SLC24A2: variants seen among roughly 807,000 people sequenced by gnomAD.
SLC24A2 encodes solute carrier family 24 member 2.
Under a neutral mutation model 62.0 loss-of-function variants are expected in SLC24A2, and 36 were observed. The observed-to-expected ratio is 0.58, with a 90% CI of 0.44 to 0.77. The LOEUF is 0.77. SLC24A2 is among the 30% of genes least tolerant of loss of function. The pLI, the probability that SLC24A2 is intolerant of heterozygous loss-of-function variation, is 0.00. For synonymous variants in SLC24A2, 358 were observed against 294.0 expected, an observed-to-expected ratio of 1.22 and a Z score of -2.23; for missense variants, 846 against 817.9, an observed-to-expected ratio of 1.03 and a Z score of -0.42.
At chr9:19,679,838 C>CTGTGTGTGTGTGTGTGTG (rs58253967) in intron 2 of SLC24A2, among the ~76,000 whole-genome samples, 3 of 142,386 alleles carry the variant, frequency 2.1e-5, no homozygotes, top group African/African-American at 8.0e-5. Context: ...CTCACATATA[C>CTGTGTGTGTGTGTGTGTG]TGTGTGTGTG....
chr9:19,908,071 C>T, the SLC24A2 span, among the ~76,000 whole-genome samples: 5 of 152,200 alleles, frequency 3.3e-5, no homozygotes, highest in Admixed American at 1.3e-4. Context: ...ATCACGTTAC[C>T]TGACTTCAAA....
At chr9:20,291,108 G>C in the SLC24A2 span, among the ~76,000 whole-genome samples, 2 of 152,268 alleles carry the variant, frequency 1.3e-5, no homozygotes, top group South Asian at 4.1e-4. Flanking sequence ...AGAGCTCCAA[G>C]GAGCATACGG....
chr9:19,672,661 TAGGCATTTA>T (rs1819453091), intron 2 of SLC24A2, among the ~76,000 whole-genome samples: 1 of 146,508 alleles, frequency 6.8e-6, no homozygotes, highest in East Asian at 1.9e-4. Context: ...CTTTTTGATG[TAGGCATTTA>T]AGGCTGTGAA....
At chr9:20,096,502 A>G in the SLC24A2 span, among the ~76,000 whole-genome samples, 1 of 152,020 alleles carries the variant, frequency 6.6e-6, no homozygotes, top group Admixed American at 6.6e-5. Flanking sequence ...CTGTTATACT[A>G]ATCTTTCTAT....
the SLC24A2 span, among the ~76,000 whole-genome samples, chr9:20,305,484 C>G: frequency 6.6e-6 from 1 of 152,250 alleles, no homozygotes; most frequent in African/African-American, 2.4e-5. Context: ...TAGCAATTAA[C>G]ATCTTTAAAA....
Position 19,516,359 on chromosome 9 carries a change from G to A in SLC24A2, c.1780C>T (p.Gln594Ter). The part of the protein sequence containing the change: ...WLLYTVIHRF[Q>*]PVAVSSNGLF... ...CCATTGCTGCTGACAGCCACTGGCT[G>A]GAATCTGTGAATGACGGTGTACAGG... Residue 594 changes from glutamine (Q) to a stop codon, truncating the protein, a stop_gained, in exon 11 of 11, where the codon CAG (glutamine) becomes TAG (stop). Transcript: ENST00000341998. LOFTEE classifies it high-confidence loss of function. 1.9e-6 allele frequency: 3 copies of A among 1,614,118 alleles called. No individual in the cohort carries two copies. The highest frequency in any genetic ancestry group is 1.7e-6 in the Non-Finnish European group (2 of 1,180,000).
chr9:19,790,530 C>CAA (rs3086381), upstream of SLC24A2, among the ~76,000 whole-genome samples: 85,289 of 121,946 alleles, frequency 0.7, 30,257 homozygotes, highest in Middle Eastern at 0.8. Flanking sequence ...ATTTGAGCAT[C>CAA]AAAAAAAAAA....
chr9:19,681,621 T>A (rs1191558438), intron 2 of SLC24A2, among the ~76,000 whole-genome samples: 2 of 152,188 alleles, frequency 1.3e-5, no homozygotes, highest in African/African-American at 4.8e-5. Flanking sequence ...GGGATTTCCA[T>A]GTCTCCATCT....
At chr9:19,951,507 T>C in the SLC24A2 span, among the ~76,000 whole-genome samples, 36 of 152,110 alleles carry the variant, frequency 2.4e-4, 1 homozygote, top group Admixed American at 6.5e-5. Flanking sequence ...TATTTAGGTC[T>C]ATGGCACATT....
chr9:20,275,721 GC>G, the SLC24A2 span, among the ~76,000 whole-genome samples: 1 of 152,164 alleles, frequency 6.6e-6, no homozygotes, highest in South Asian at 2.1e-4. Flanking sequence ...ATGAAGAAAT[GC>G]CCAAGACTGG....
At chr9:19,608,342 A>G (rs1018284461) in intron 4 of SLC24A2, among the ~76,000 whole-genome samples, 1 of 151,822 alleles carries the variant, frequency 6.6e-6, no homozygotes, top group African/African-American at 2.4e-5. Context: ...AATAGAAGCT[A>G]AGAGAAATAA....
intron 7 of SLC24A2, among the ~76,000 whole-genome samples, chr9:19,567,944 C>T (rs187125037): frequency 1.1e-3 from 165 of 152,196 alleles, no homozygotes; most frequent in African/African-American, 3.8e-3. Flanking sequence ...AGAAACCTCT[C>T]GGAGATGAGG....
intron 5 of SLC24A2, among the ~76,000 whole-genome samples, chr9:19,592,171 AC>A (rs1446332490): frequency 6.6e-6 from 1 of 152,284 alleles, no homozygotes; most frequent in African/African-American, 2.4e-5. Context: ...CTAATTTAGG[AC>A]CCCATGATTC....
chr9:20,089,342 CTCTG>C, the SLC24A2 span, among the ~76,000 whole-genome samples: 5 of 152,144 alleles, frequency 3.3e-5, no homozygotes, highest in Admixed American at 3.3e-4. Context: ...ACCACTCTGC[CTCTG>C]TCTGATCACC....
chr9:20,225,021 C>G, the SLC24A2 span, among the ~76,000 whole-genome samples: 3 of 152,086 alleles, frequency 2.0e-5, no homozygotes, highest in African/African-American at 7.2e-5. Context: ...CAAGCTGAGG[C>G]AAGACCTCAG....
chr9:19,516,544 C>T (rs972972357), intron 10 of SLC24A2, 142 bp from the exon 11 acceptor site: 41 of 1,056,778 alleles, frequency 3.9e-5, no homozygotes, highest in Admixed American at 2.6e-4. Flanking sequence ...CACTATGACT[C>T]GGGCATGGTT....
chr9:19,669,516 C>A (rs1290876019), intron 2 of SLC24A2, among the ~76,000 whole-genome samples: 1 of 152,226 alleles, frequency 6.6e-6, no homozygotes, highest in Non-Finnish European at 1.5e-5. Context: ...TTACTTTAAA[C>A]TCCTGTAGGT....
chr9:20,039,633 G>A, the SLC24A2 span, among the ~76,000 whole-genome samples: 1 of 152,016 alleles, frequency 6.6e-6, no homozygotes. Flanking sequence ...CACTCCCCAG[G>A]GGTGGCTCAC....
intron 2 of SLC24A2, among the ~76,000 whole-genome samples, chr9:19,734,467 T>A (rs1821440410): frequency 6.6e-6 from 1 of 152,174 alleles, no homozygotes; most frequent in Non-Finnish European, 1.5e-5. Context: ...ATCTATAAAT[T>A]ACCTTGGGCA....
Sources: allele counts gnomAD v4.1 joint callset (sites outside exome capture counted in the v4.1 genomes callset), GRCh38; gene constraint gnomAD v4.1.1; transcripts MANE v1.5; gene names NCBI Gene and HGNC (gene_info 2026-07-23, HGNC 2026-07-21).